NCAM2: variants seen among roughly 807,000 people sequenced by gnomAD.
The protein encoded by NCAM2 is N-CAM-2.
In NCAM2, 30 loss-of-function variants were observed where a neutral mutation model predicts 98.1. The observed-to-expected ratio is 0.31, with a 90% confidence interval of 0.23 to 0.41. The LOEUF is 0.41. Among genes scored for constraint, NCAM2 ranks in the 10% least tolerant of loss-of-function variants. The pLI is 1.00. For missense variants in NCAM2, 867 were observed against 1,005.8 expected, an observed-to-expected ratio of 0.86 and a Z score of 1.87; for synonymous variants, 368 against 342.4, an observed-to-expected ratio of 1.07 and a Z score of -0.83.
intron 1 of NCAM2, among the ~76,000 whole-genome samples, chr21:21,017,021 TTTA>T (rs1307753256): frequency 3.9e-5 from 6 of 152,220 alleles, no homozygotes; most frequent in Non-Finnish European, 8.8e-5. Flanking sequence ...GGTAAATATT[TTTA>T]TTGTTTTTAC....
At chr21:21,232,422 T>C (rs2070666673) in intron 1 of NCAM2, among the ~76,000 whole-genome samples, 1 of 151,620 alleles carries the variant, frequency 6.6e-6, no homozygotes, top group African/African-American at 2.4e-5. Context: ...TTTTAGGTTT[T>C]AGAGGAATCA....
At chr21:21,302,367 TA>T (rs1217936774) in intron 5 of NCAM2, among the ~76,000 whole-genome samples, 1 of 152,082 alleles carries the variant, frequency 6.6e-6, no homozygotes, top group Non-Finnish European at 1.5e-5. Context: ...ATTTAATGAA[TA>T]GGGAGTTCTT....
At chr21:21,525,853 T>TA (rs756753409) in intron 16 of NCAM2, among the ~76,000 whole-genome samples, 19 of 152,098 alleles carry the variant, frequency 1.2e-4, no homozygotes, top group Non-Finnish European at 1.9e-4. Flanking sequence ...GGTTCAACGT[T>TA]AAAAAATCAA....
chr21:21,135,749 T>C (rs1345358345), intron 1 of NCAM2, among the ~76,000 whole-genome samples: 1 of 152,146 alleles, frequency 6.6e-6, no homozygotes, highest in African/African-American at 2.4e-5. Context: ...GGAACCAACC[T>C]GTGCTTTTTT....
chr21:21,530,121 T>A (rs528313572), intron 16 of NCAM2, among the ~76,000 whole-genome samples: 29,288 of 125,442 alleles, frequency 0.23, 4,849 homozygotes, highest in Admixed American at 0.29. Context: ...TAATTTAATT[T>A]AATTATATAT....
chr21:21,235,130 G>A (rs896858804), intron 1 of NCAM2, among the ~76,000 whole-genome samples: 9 of 151,826 alleles, frequency 5.9e-5, no homozygotes, highest in African/African-American at 1.9e-4. Flanking sequence ...CAGGTACACA[G>A]TTAAAACATT....
chr21:21,466,631 A>G lies in NCAM2; in HGVS notation c.1680A>G (p.Glu560=), dbSNP rs186217734. The change falls in exon 13 of 18, where the codon GAA becomes GAG. Residue 560 remains glutamate, a synonymous_variant. Coordinates refer to ENST00000400546, the MANE Select transcript of NCAM2 (RefSeq NM_004540.5). ...CAATGGTTGTTTTGAACAACCTGGA[A>G]CCAAATACAACTTATGAAATCAGGG... ...VQTMVVLNNL[E]PNTTYEIRVA... is the part of the protein sequence containing the mutation. The G allele has an allele frequency of 9.3e-6, 15 of 1,605,780 alleles. No homozygotes were observed. In the East Asian group the frequency reaches 2.9e-4, roughly 31 times the overall value.
chr21:21,398,582 T>G (rs1401603700), intron 9 of NCAM2, among the ~76,000 whole-genome samples: 1 of 152,172 alleles, frequency 6.6e-6, no homozygotes, highest in East Asian at 1.9e-4. Flanking sequence ...ATGTGAAGCT[T>G]TGTAAAGAGT....
At chr21:21,069,026 T>C (rs986958099) in intron 1 of NCAM2, among the ~76,000 whole-genome samples, 2 of 152,206 alleles carry the variant, frequency 1.3e-5, no homozygotes, top group African/African-American at 4.8e-5. Flanking sequence ...CATGTGACTT[T>C]AAAAACTGAT....
intron 12 of NCAM2, among the ~76,000 whole-genome samples, chr21:21,440,779 A>G (rs1447043831): frequency 6.6e-6 from 1 of 152,154 alleles, no homozygotes; most frequent in Admixed American, 6.5e-5. Flanking sequence ...GAATGCAAAC[A>G]TGGAAAAGTT....
intron 1 of NCAM2, among the ~76,000 whole-genome samples, chr21:21,048,509 C>T (rs1386111016): frequency 1.3e-5 from 2 of 152,056 alleles, no homozygotes; most frequent in Admixed American, 6.6e-5. Context: ...GCCCGCCACA[C>T]GCCCGGCTAA....
At chr21:21,129,665 T>A (rs1409462447) in intron 1 of NCAM2, among the ~76,000 whole-genome samples, 1 of 152,152 alleles carries the variant, frequency 6.6e-6, no homozygotes, top group Non-Finnish European at 1.5e-5. Context: ...TGGTGCTAGC[T>A]AGCTCACTGT....
intron 9 of NCAM2, among the ~76,000 whole-genome samples, chr21:21,393,445 T>C (rs939414147): frequency 2.0e-5 from 3 of 152,222 alleles, no homozygotes; most frequent in Non-Finnish European, 2.9e-5. Context: ...GGTTGTCCTG[T>C]ACAATTTTTT....
At chr21:21,435,991 A>T (rs1978314909) in intron 12 of NCAM2, among the ~76,000 whole-genome samples, 1 of 152,138 alleles carries the variant, frequency 6.6e-6, no homozygotes, top group African/African-American at 2.4e-5. Context: ...TTCCATTGGG[A>T]CCACCCCTAA....
At chr21:21,396,589 G>A (rs980659079) in intron 9 of NCAM2, among the ~76,000 whole-genome samples, 1 of 151,620 alleles carries the variant, frequency 6.6e-6, no homozygotes, top group East Asian at 1.9e-4. Flanking sequence ...GGTGGGGAGT[G>A]GTGAGGGGTG....
At chr21:21,500,120 G>A (rs1987531346) in intron 15 of NCAM2, among the ~76,000 whole-genome samples, 1 of 152,078 alleles carries the variant, frequency 6.6e-6, no homozygotes, top group Admixed American at 6.6e-5. Flanking sequence ...TAGAAGGAAG[G>A]AAGAATATAA....
intron 1 of NCAM2, among the ~76,000 whole-genome samples, chr21:21,056,415 A>G (rs1379903347): frequency 6.6e-6 from 1 of 151,816 alleles, no homozygotes; most frequent in Non-Finnish European, 1.5e-5. Flanking sequence ...TCAGTTATCA[A>G]GTTGCAAAAA....
At chr21:21,461,452 G>A (rs968874621) in intron 12 of NCAM2, among the ~76,000 whole-genome samples, 3 of 151,736 alleles carry the variant, frequency 2.0e-5, no homozygotes, top group African/African-American at 7.2e-5. Flanking sequence ...TACATAAGCA[G>A]TACAATAAAT....
chr21:21,112,019 A>G (rs986117878), intron 1 of NCAM2, among the ~76,000 whole-genome samples: 2 of 152,208 alleles, frequency 1.3e-5, no homozygotes, highest in African/African-American at 4.8e-5. Context: ...CTGTGTTGTT[A>G]ACATGTTGAA....
Sources: allele counts gnomAD v4.1 joint callset (sites outside exome capture counted in the v4.1 genomes callset), GRCh38; gene constraint gnomAD v4.1.1; transcripts MANE v1.5; gene names NCBI Gene and HGNC (gene_info 2026-07-23, HGNC 2026-07-21).